LINGO2: variants seen among roughly 807,000 people sequenced by gnomAD.
The protein encoded by LINGO2 is leucine-rich repeat and immunoglobulin-like domain-containing nogo receptor-interacting protein 2.
In LINGO2, 14 loss-of-function variants were observed where a neutral mutation model predicts 30.6. The observed-to-expected ratio is 0.46, with a 90% CI of 0.30 to 0.72. The LOEUF (loss-of-function observed/expected upper bound fraction) is 0.72. LINGO2 is among the 30% of genes least tolerant of loss of function. The probability of loss-of-function intolerance (pLI) is 0.07; values close to 1 mark genes in which losing one functional copy is unlikely to be tolerated. For synonymous variants in LINGO2, 317 were observed against 288.5 expected (o/e 1.10, Z -1.00); for missense variants, 729 against 751.7 (o/e 0.97, Z 0.35).
intron 1 of LINGO2, among the ~76,000 whole-genome samples, chr9:28,600,032 T>A (rs917997742): frequency 1.3e-5 from 2 of 152,100 alleles, no homozygotes; most frequent in Non-Finnish European, 2.9e-5. Flanking sequence ...AATGGCAAAA[T>A]ATTCTACAAT....
intron 3 of LINGO2, among the ~76,000 whole-genome samples, chr9:28,363,890 TC>T (rs1408142122): frequency 4.0e-5 from 6 of 151,752 alleles, no homozygotes; most frequent in Non-Finnish European, 4.4e-5. Context: ...TACCTTTGTC[TC>T]CAAACAGGAG....
chr9:29,117,864 C>T, the LINGO2 span, among the ~76,000 whole-genome samples: 1 of 152,108 alleles, frequency 6.6e-6, no homozygotes, highest in African/African-American at 2.4e-5. Flanking sequence ...GACATTTGAG[C>T]TTTCTTCAAA....
the LINGO2 span, among the ~76,000 whole-genome samples, chr9:28,824,869 C>T: frequency 6.6e-5 from 10 of 152,298 alleles, no homozygotes; most frequent in East Asian, 9.7e-4. Flanking sequence ...GTAGGCTGGA[C>T]TAACTTGTAG....
chr9:29,200,038 G>A, the LINGO2 span, among the ~76,000 whole-genome samples: 4 of 152,030 alleles, frequency 2.6e-5, no homozygotes, highest in Non-Finnish European at 4.4e-5. Context: ...GAGAATCTCA[G>A]AAGCATTAAG....
chr9:28,804,708 G>A, the LINGO2 span, among the ~76,000 whole-genome samples: 80,943 of 151,806 alleles, frequency 0.53, 21,882 homozygotes, highest in Middle Eastern at 0.67. Context: ...CTTTTCAAAG[G>A]TAAGCATGCT....
chr9:28,527,585 C>T (rs1433418327), intron 1 of LINGO2, among the ~76,000 whole-genome samples: 1 of 152,084 alleles, frequency 6.6e-6, no homozygotes, highest in South Asian at 2.1e-4. Context: ...AGGAAAACAA[C>T]CCAAGTAGCC....
chr9:28,909,700 C>G, the LINGO2 span, among the ~76,000 whole-genome samples: 45 of 151,952 alleles, frequency 3.0e-4, no homozygotes, highest in Non-Finnish European at 5.3e-4. Flanking sequence ...CTTTTTTCTC[C>G]TGGTGTGAGC....
intron 4 of LINGO2, among the ~76,000 whole-genome samples, chr9:28,161,016 T>C (rs1043323080): frequency 1.3e-5 from 2 of 152,186 alleles, no homozygotes; most frequent in African/African-American, 2.4e-5. Context: ...CTTCCCAAAG[T>C]GGCCTCGGCT....
At chr9:28,034,221 G>C (rs892157361) in intron 4 of LINGO2, among the ~76,000 whole-genome samples, 1 of 152,194 alleles carries the variant, frequency 6.6e-6, no homozygotes, top group Non-Finnish European at 1.5e-5. Flanking sequence ...TGTACATCTT[G>C]TAACAACGCA....
the LINGO2 span, among the ~76,000 whole-genome samples, chr9:29,154,449 C>CAAA: frequency 2.5e-3 from 237 of 95,396 alleles, 5 homozygotes; most frequent in Admixed American, 3.5e-3. Flanking sequence ...GACTCCGTCT[C>CAAA]AAAAAAAAAA....
chr9:28,161,904 AC>A (rs751780019), intron 4 of LINGO2, among the ~76,000 whole-genome samples: 136 of 152,260 alleles, frequency 8.9e-4, no homozygotes, highest in Middle Eastern at 3.4e-3. Flanking sequence ...CCAACAAAAA[AC>A]ATTAACAAAT....
At chr9:29,069,274 A>T in the LINGO2 span, among the ~76,000 whole-genome samples, 3 of 152,022 alleles carry the variant, frequency 2.0e-5, no homozygotes, top group Non-Finnish European at 4.4e-5. Flanking sequence ...TACTGTCATC[A>T]TAAGAACCCT....
At chr9:28,124,809 G>T (rs1181278654) in intron 4 of LINGO2, among the ~76,000 whole-genome samples, 1 of 152,180 alleles carries the variant, frequency 6.6e-6, no homozygotes, top group Non-Finnish European at 1.5e-5. Context: ...GAAAGCTCAT[G>T]CCTTTCTTCA....
intron 3 of LINGO2, among the ~76,000 whole-genome samples, chr9:28,317,920 T>A (rs553690361): frequency 3.4e-4 from 52 of 152,184 alleles, no homozygotes; most frequent in African/African-American, 1.1e-3. Flanking sequence ...GGACTAAGCA[T>A]AACACAACAA....
At chr9:29,014,089 T>G in the LINGO2 span, among the ~76,000 whole-genome samples, 3 of 152,268 alleles carry the variant, frequency 2.0e-5, no homozygotes, top group Middle Eastern at 3.4e-3. Context: ...CTTATTCAAT[T>G]AAATAAATTA....
At chr9:28,240,070 A>G (rs1002709411) in intron 4 of LINGO2, among the ~76,000 whole-genome samples, 1 of 152,166 alleles carries the variant, frequency 6.6e-6, no homozygotes, top group Admixed American at 6.5e-5. Flanking sequence ...GGAATTAACC[A>G]AAGAAGTAAA....
At chr9:28,200,665 T>A (rs1344056421) in intron 4 of LINGO2, among the ~76,000 whole-genome samples, 5 of 152,298 alleles carry the variant, frequency 3.3e-5, no homozygotes, top group Admixed American at 1.3e-4. Flanking sequence ...TTTTGTAAAG[T>A]TGAATATTTT....
chr9:28,699,056 A>G, the LINGO2 span, among the ~76,000 whole-genome samples: 1 of 151,714 alleles, frequency 6.6e-6, no homozygotes, highest in Non-Finnish European at 1.5e-5. Flanking sequence ...ACAAAACAAA[A>G]CAAAACAAAA....
the LINGO2 span, among the ~76,000 whole-genome samples, chr9:28,708,952 A>G: frequency 1.8e-4 from 28 of 152,240 alleles, no homozygotes; most frequent in Admixed American, 7.2e-4. Flanking sequence ...TATCTTTGTC[A>G]AATTGATAAT....
Sources: gnomAD v4.1 joint callset for allele counts (sites outside exome capture counted in the v4.1 genomes callset) on GRCh38, gnomAD v4.1.1 for gene constraint, MANE v1.5 for transcripts, NCBI Gene and HGNC (gene_info 2026-07-23, HGNC 2026-07-21) for gene names.